Variants in PHTF2 observed in about 807,000 individuals in gnomAD.
PHTF2 encodes the protein protein PHTF2.
PHTF2 carries 60 observed loss-of-function variants against 101.2 expected under a neutral mutation model. That is an observed-to-expected ratio of 0.59 (90% confidence interval 0.48 to 0.73). PHTF2 has a LOEUF of 0.73. Ranked by LOEUF, PHTF2 falls within the 30% of genes least tolerant of loss-of-function variation. The pLI is 0.00. For synonymous variants in PHTF2, 311 were observed against 307.3 expected (o/e 1.01, Z -0.13); for missense variants, 747 against 908.7 (o/e 0.82, Z 2.29).
At chr7:77,923,617 A>C (rs889503718) in intron 11 of PHTF2, 1 of 985,084 alleles carries the variant, frequency 1.0e-6, no homozygotes. Context: ...CCATACAGAC[A>C]CTAATGCCAG....
chr7:77,942,867 ATAAG>A, intron 16 of PHTF2, 81 bp downstream of exon 15: 1 of 717,030 alleles, frequency 1.4e-6, no homozygotes. Context: ...AAATAATAAT[ATAAG>A]TAAGCCTAGT....
chr7:77,870,955 A>G (rs1292694310), intron 3 of PHTF2, among the ~76,000 whole-genome samples: 1 of 152,256 alleles, frequency 6.6e-6, no homozygotes, highest in Non-Finnish European at 1.5e-5. Context: ...TCTTAGTATA[A>G]GTGTATACAT....
At chr7:77,899,817 T>C (rs1407896811) in intron 5 of PHTF2, among the ~76,000 whole-genome samples, 2 of 152,228 alleles carry the variant, frequency 1.3e-5, no homozygotes, top group Non-Finnish European at 2.9e-5. Flanking sequence ...AACCAAATCA[T>C]CTAAACACTT....
At chr7:77,831,804 A>G (rs943833229) in intron 1 of PHTF2, among the ~76,000 whole-genome samples, 4 of 152,246 alleles carry the variant, frequency 2.6e-5, no homozygotes, top group Non-Finnish European at 5.9e-5. Context: ...TGTCATCCGT[A>G]GAGAAATGCT....
intron 1 of PHTF2, among the ~76,000 whole-genome samples, chr7:77,815,123 A>G (rs1278129304): frequency 6.6e-6 from 1 of 152,110 alleles, no homozygotes; most frequent in East Asian, 1.9e-4. Context: ...AAGAAAAAAA[A>G]AGCCAAAAAC....
intron 1 of PHTF2, among the ~76,000 whole-genome samples, chr7:77,810,724 G>T (rs1396625291): frequency 6.6e-6 from 1 of 151,810 alleles, no homozygotes; most frequent in Non-Finnish European, 1.5e-5. Context: ...TTTTAGTAGA[G>T]ATGGGGTTTT....
intron 1 of PHTF2, among the ~76,000 whole-genome samples, chr7:77,803,279 C>T (rs1347001403): frequency 6.6e-6 from 1 of 152,074 alleles, no homozygotes; most frequent in Non-Finnish European, 1.5e-5. Flanking sequence ...ATGCAGCTTT[C>T]CAGTTGCAAA....
At chr7:77,943,245 T>C (rs1318997740) in intron 16 of PHTF2, among the ~76,000 whole-genome samples, 1 of 152,162 alleles carries the variant, frequency 6.6e-6, no homozygotes, top group African/African-American at 2.4e-5. Context: ...CTCAGCCTCC[T>C]GAGTAGCTGG....
intron 2 of PHTF2, among the ~76,000 whole-genome samples, chr7:77,854,445 A>G (rs1478770772): frequency 6.6e-6 from 1 of 152,002 alleles, no homozygotes; most frequent in Non-Finnish European, 1.5e-5. Flanking sequence ...AGCGACTACT[A>G]CCTGGGCTAT....
chr7:77,825,192 G>C (rs1199704741), intron 1 of PHTF2, among the ~76,000 whole-genome samples: 2 of 152,064 alleles, frequency 1.3e-5, no homozygotes, highest in Admixed American at 1.3e-4. Flanking sequence ...ACAAAAAAGG[G>C]GTATCTGTAG....
intron 3 of PHTF2, among the ~76,000 whole-genome samples, chr7:77,887,355 CT>C (rs373621304): frequency 1.7e-4 from 24 of 144,104 alleles, no homozygotes; most frequent in South Asian, 2.2e-4. Flanking sequence ...ATCTCAATTT[CT>C]TTTTTTTTTT....
At chr7:77,944,218 A>G (rs1337135164) in intron 16 of PHTF2, among the ~76,000 whole-genome samples, 4 of 152,186 alleles carry the variant, frequency 2.6e-5, no homozygotes, top group African/African-American at 7.2e-5. Context: ...ATTGTATCCC[A>G]GAGACTTGAA....
chr7:77,946,417 AG>A (rs1269199394), intron 16 of PHTF2, among the ~76,000 whole-genome samples: 1 of 152,088 alleles, frequency 6.6e-6, no homozygotes, highest in Non-Finnish European at 1.5e-5. Context: ...CATTTGATGG[AG>A]GGTATTAATC....
intron 1 of PHTF2, among the ~76,000 whole-genome samples, chr7:77,832,898 G>C (rs1040785603): frequency 4.6e-5 from 7 of 152,124 alleles, no homozygotes; most frequent in African/African-American, 1.7e-4. Context: ...CCTGGCCATG[G>C]AAAAATTGTC....
intron 1 of PHTF2, among the ~76,000 whole-genome samples, chr7:77,800,510 G>T (rs1292013992): frequency 6.6e-6 from 1 of 152,180 alleles, no homozygotes; most frequent in Non-Finnish European, 1.5e-5. Flanking sequence ...AACAAGTATA[G>T]TATACAATGG....
At chr7:77,818,614 A>G (rs779907696) in intron 1 of PHTF2, among the ~76,000 whole-genome samples, 24 of 152,136 alleles carry the variant, frequency 1.6e-4, no homozygotes, top group Non-Finnish European at 2.4e-4. Flanking sequence ...CCACTGATCT[A>G]TGTGTCTGTT....
At chr7:77,844,118 C>T (rs1444142504) in intron 2 of PHTF2, among the ~76,000 whole-genome samples, 5 of 152,174 alleles carry the variant, frequency 3.3e-5, no homozygotes, top group Non-Finnish European at 5.9e-5. Context: ...CTGCCTCAGC[C>T]CCCCAAGTAG....
intron 3 of PHTF2, among the ~76,000 whole-genome samples, chr7:77,867,096 A>G (rs929193060): frequency 1.3e-5 from 2 of 152,242 alleles, no homozygotes; most frequent in African/African-American, 4.8e-5. Flanking sequence ...CCCTTTGATT[A>G]ATAATACTAA....
intron 1 of PHTF2, among the ~76,000 whole-genome samples, chr7:77,820,394 C>T (rs1794187366): frequency 6.6e-6 from 1 of 152,086 alleles, no homozygotes; most frequent in African/African-American, 2.4e-5. Context: ...CACTGTCTCC[C>T]AGGCCAGAGT....
Sources: gnomAD v4.1 joint callset for allele counts (sites outside exome capture counted in the v4.1 genomes callset) on GRCh38, gnomAD v4.1.1 for gene constraint, MANE v1.5 for transcripts, NCBI Gene and HGNC (gene_info 2026-07-23, HGNC 2026-07-21) for gene names.